The following EIF3J variants were observed in gnomAD, a reference collection of about 807,000 sequenced individuals.
EIF3J encodes the protein eukaryotic translation initiation factor 3 subunit J.
EIF3J carries 15 observed loss-of-function variants against 39.0 expected under a neutral mutation model. That is an observed-to-expected ratio of 0.38 (90% CI 0.26 to 0.59). EIF3J has a LOEUF of 0.59. EIF3J is among the 20% of genes least tolerant of loss of function. EIF3J has a pLI of 0.60. For missense variants in EIF3J, 226 were observed against 308.6 expected (o/e 0.73, Z 2.00); for synonymous variants, 98 against 112.9 (o/e 0.87, Z 0.84).
intron 4 of EIF3J, among the ~76,000 whole-genome samples, chr15:44,553,517 T>C (rs2082118654): frequency 6.6e-6 from 1 of 151,840 alleles, no homozygotes; most frequent in Non-Finnish European, 1.5e-5. Flanking sequence ...AAAATAATTA[T>C]ATTCCAGTAT....
chr15:44,557,464 T>C (rs777046404), intron 5 of EIF3J, 25 bp from the exon 6 acceptor site: 20 of 1,486,928 alleles, frequency 1.3e-5, no homozygotes, highest in Middle Eastern at 3.5e-4. Flanking sequence ...TCCTGATACT[T>C]TTCAGTGCTT....
chr15:44,548,966 G>T (rs1396417970), intron 2 of EIF3J, among the ~76,000 whole-genome samples: 1 of 151,332 alleles, frequency 6.6e-6, no homozygotes, highest in Non-Finnish European at 1.5e-5. Flanking sequence ...TAGCCATTTG[G>T]GAAAAAAATG....
At chr15:44,557,175 T>C (rs1169148377) in intron 5 of EIF3J, among the ~76,000 whole-genome samples, 1 of 152,174 alleles carries the variant, frequency 6.6e-6, no homozygotes, top group African/African-American at 2.4e-5. Context: ...ATATCTGTAA[T>C]GGCAGGAGAG....
rs2082208925 is a variant in EIF3J at position 44,562,328 on chromosome 15, T to G, written c.*1179T>G. ...ATTTAGATACCAAGGCCTAATTAAT[T>G]AAGTACCTATAAGAACTATTTATTT... is the stretch of plus-strand genomic sequence containing the variant. On this transcript the variant is annotated 3_prime_UTR_variant, in exon 8 of 8. Transcript: ENST00000261868. The G allele has an allele frequency of 1.3e-5, 2 of 152,738 alleles. No homozygotes were observed. Among genetic ancestry groups the G allele is most frequent in the Middle Eastern group, 6.8e-3 (2 of 294 alleles). 9.5% of individuals were successfully genotyped at this position (152,738 alleles called of 1,614,324 possible).
At chr15:44,543,562 C>T (rs1024414042) in intron 2 of EIF3J, among the ~76,000 whole-genome samples, 10 of 151,986 alleles carry the variant, frequency 6.6e-5, no homozygotes, top group South Asian at 2.1e-4. Context: ...TACAGGTGTG[C>T]GCCACCACAC....
At chr15:44,552,763 T>C (rs568741473) in intron 4 of EIF3J, among the ~76,000 whole-genome samples, 1 of 152,292 alleles carries the variant, frequency 6.6e-6, no homozygotes, top group African/African-American at 2.4e-5. Context: ...TTTCACCGTG[T>C]TGGCCAGGTT....
intron 2 of EIF3J, among the ~76,000 whole-genome samples, chr15:44,540,418 C>T (rs2082005300): frequency 6.6e-6 from 1 of 150,948 alleles, no homozygotes; most frequent in South Asian, 2.1e-4. Flanking sequence ...TATTTTGAGA[C>T]GGATTTGTGA....
In EIF3J at chr15:44,560,229, T is replaced by G; in HGVS notation, c.572-20T>G. 1 of 1,594,784 alleles carries G rather than the reference T, an allele frequency of 6.3e-7. No individual in the cohort carries two copies. The highest frequency in any genetic ancestry group is 8.5e-7 in the Non-Finnish European group (1 of 1,173,128). ...ATGCTTAAAAATTCAAGTTTAATGG[T>G]ATGCCCTTTTTTTTTTAAGTGGAAA... On this transcript the variant is annotated intron_variant, in intron 6 of 7. Transcript: ENST00000261868.
In EIF3J at chr15:44,548,093, A is replaced by G. The variant is rs2082069172; in HGVS notation, c.148-2783A>G. Among the ~76,000 whole-genome samples, 5 of 152,336 alleles carry G rather than the reference A, an allele frequency of 3.3e-5. No individual in the cohort carries two copies. In the South Asian group the frequency reaches 1.0e-3, roughly 32 times the overall value. ...ATCTGAAAACCTACAAGGAAGGACT[A>G]GCTCTAGCTGACATTAAAGTAAAGC... On this transcript the variant is annotated intron_variant, in intron 2 of 7. Transcript: ENST00000261868.
At chr15:44,537,536 C>G (rs2081969708) in intron 2 of EIF3J, 109 bp downstream of exon 2, 14 of 1,155,634 alleles carry the variant, frequency 1.2e-5, no homozygotes, top group Non-Finnish European at 1.6e-5. Flanking sequence ...GGTCCAGGCG[C>G]GAGCATAGGG....
chr15:44,560,600 C>T (rs2140904445), intron 7 of EIF3J: 2 of 387,764 alleles, frequency 5.2e-6, no homozygotes, highest in South Asian at 5.9e-5. Context: ...CTTTTCTAAG[C>T]TTCAGTCTTC....
intron 6 of EIF3J, chr15:44,559,236 TAA>T (rs34429624): frequency 1.2e-3 from 143 of 123,796 alleles, no homozygotes; most frequent in African/African-American, 3.7e-3. Context: ...TCATCTCTAT[TAA>T]AAAAAAAAAA....
At chr15:44,550,988 T>C in intron 3 of EIF3J, 58 bp downstream of exon 3, 2 of 1,582,806 alleles carry the variant, frequency 1.3e-6, no homozygotes, top group South Asian at 1.2e-5. Context: ...ATTTGTGACT[T>C]GTATTAAGAC....
intron 6 of EIF3J, among the ~76,000 whole-genome samples, chr15:44,560,009 C>T (rs948958323): frequency 6.6e-6 from 1 of 152,136 alleles, no homozygotes; most frequent in African/African-American, 2.4e-5. Flanking sequence ...CCTAGGCCTC[C>T]CAAAATGCTG....
chr15:44,550,998 C>G, intron 3 of EIF3J, 68 bp downstream of exon 3: 7 of 1,542,178 alleles, frequency 4.5e-6, no homozygotes, highest in Non-Finnish European at 6.1e-6. Flanking sequence ...TGTATTAAGA[C>G]AAATGACAGA....
intron 6 of EIF3J, among the ~76,000 whole-genome samples, chr15:44,559,674 TCCAA>T (rs947744688): frequency 2.0e-5 from 3 of 150,276 alleles, no homozygotes; most frequent in African/African-American, 7.4e-5. Context: ...GTCACTGCAC[TCCAA>T]CCTGGGTGAC....
At chr15:44,546,943 TC>T (rs1252104984) in intron 2 of EIF3J, among the ~76,000 whole-genome samples, 1 of 144,412 alleles carries the variant, frequency 6.9e-6, no homozygotes, top group African/African-American at 2.5e-5. Context: ...TTCCTCAGCA[TC>T]CTGAGTGGCT....
At chr15:44,556,756 C>A (rs1323746566) in intron 5 of EIF3J, among the ~76,000 whole-genome samples, 1 of 152,118 alleles carries the variant, frequency 6.6e-6, no homozygotes, top group Admixed American at 6.5e-5. Flanking sequence ...AGGTGATCGG[C>A]CTGCCTAGGC....
At chr15:44,543,883 G>A (rs969466493) in intron 2 of EIF3J, among the ~76,000 whole-genome samples, 6 of 152,052 alleles carry the variant, frequency 3.9e-5, no homozygotes, top group African/African-American at 1.2e-4. Context: ...TACTGAGGGA[G>A]CAGTGATATG....
Sources: allele counts gnomAD v4.1 joint callset (sites outside exome capture counted in the v4.1 genomes callset), GRCh38; gene constraint gnomAD v4.1.1; transcripts MANE v1.5; gene names NCBI Gene and HGNC (gene_info 2026-07-23, HGNC 2026-07-21).